GFRA2: variants seen among roughly 807,000 people sequenced by gnomAD.
GFRA2 encodes GDNF family receptor alpha-2.
In GFRA2, 17 loss-of-function variants were observed where a neutral mutation model predicts 48.3. The observed-to-expected ratio is 0.35, with a 90% CI of 0.24 to 0.53. The LOEUF is 0.53. Among genes scored for constraint, GFRA2 ranks in the 20% least tolerant of loss-of-function variants. The probability of loss-of-function intolerance (pLI) is 0.93; values close to 1 mark genes in which losing one functional copy is unlikely to be tolerated. For synonymous variants in GFRA2, 305 were observed against 257.2 expected, an observed-to-expected ratio of 1.19 and a Z score of -1.78; for missense variants, 660 against 637.3, an observed-to-expected ratio of 1.04 and a Z score of -0.38.
chr8:21,710,992 C>T (rs540660148), intron 4 of GFRA2, among the ~76,000 whole-genome samples: 11 of 152,350 alleles, frequency 7.2e-5, no homozygotes, highest in Admixed American at 6.5e-4. Flanking sequence ...GCTCCCTCTG[C>T]CAGCATCAGA....
intron 1 of GFRA2, among the ~76,000 whole-genome samples, chr8:21,810,798 G>C (rs569294701): frequency 6.6e-6 from 1 of 152,178 alleles, no homozygotes; most frequent in African/African-American, 2.4e-5. Flanking sequence ...GCACTGAGGT[G>C]TAAGTGAGGC....
intron 2 of GFRA2, among the ~76,000 whole-genome samples, chr8:21,802,472 AG>A (rs1807788849): frequency 6.6e-6 from 1 of 152,070 alleles, no homozygotes. Flanking sequence ...CTCCCACCTC[AG>A]CTTCCCAAGT....
At chr8:21,732,809 T>G (rs1804263219) in intron 4 of GFRA2, among the ~76,000 whole-genome samples, 1 of 152,056 alleles carries the variant, frequency 6.6e-6, no homozygotes, top group South Asian at 2.1e-4. Flanking sequence ...CTTCAACACA[T>G]AAGAATAGCT....
chr8:21,782,601 G>C lies in GFRA2; in HGVS notation c.339C>G (p.His113Gln). 1 of 1,581,132 alleles carries C rather than the reference G, an allele frequency of 6.3e-7. No individual in the cohort carries two copies. ...LQCLQIYWSIHLGLTEGEEFY... is the reference protein window; with the variant it reads ...LQCLQIYWSIQLGLTEGEEFY... ...CAGGCTTACCCTCGGTCAGCCCCAG[G>C]TGGATGCTCCAGTAGATCTGCAGAC... Residue 113 changes from histidine (H) to glutamine (Q), a missense_variant, in exon 2 of 9, where the codon CAC becomes CAG. Transcript: ENST00000524240.
intron 7 of GFRA2, among the ~76,000 whole-genome samples, chr8:21,701,692 G>C (rs1802488320): frequency 6.6e-6 from 1 of 152,182 alleles, no homozygotes; most frequent in South Asian, 2.1e-4. Flanking sequence ...GTCACATACA[G>C]ATCACCCATA....
Position 21,694,507 on chromosome 8 carries a change from A to G in GFRA2, c.1229T>C (p.Leu410Pro). 6.2e-7 allele frequency: 1 copy of G among 1,611,268 alleles called. No homozygotes were observed. Among genetic ancestry groups the G allele is most frequent in the Non-Finnish European group, 8.5e-7 (1 of 1,179,038 alleles). Reference sequence around the variant, plus strand: ...TAACTCTTTGGAGTTGTTGGCCTTCAGCCCCTGCTCCTGCGAGAGAGAAGG... The same window carrying G: ...TAACTCTTTGGAGTTGTTGGCCTTCGGCCCCTGCTCCTGCGAGAGAGAAGG... ...TTCTSVQEQGLKANNSKELSM... is the reference protein window; with the variant it reads ...TTCTSVQEQGPKANNSKELSM... The change falls in exon 8 of 9, where the codon CTG (leucine) becomes CCG (proline). Residue 410 changes from leucine to proline, a missense_variant. Physicochemically the swap from Leu to Pro is moderately conservative, Grantham distance 98. Transcript: ENST00000524240.
At position 21,780,249 on chromosome 8, in the gene GFRA2, G is replaced by A. The variant is rs796487372; in HGVS notation, c.355+2336C>T. Among the ~76,000 whole-genome samples the A allele has an allele frequency of 8.5e-3, 1,295 of 152,086 alleles. 17 individuals are homozygous for A. Among genetic ancestry groups the A allele is most frequent in the African/African-American group, 0.03 (1,236 of 41,502 alleles). ...CTGCCCCATACGATGGCCGATGGCCGGCACGGGGAGCATGGCTAATCCAGT... is the reference window on the plus strand; with the variant it reads ...CTGCCCCATACGATGGCCGATGGCCAGCACGGGGAGCATGGCTAATCCAGT... On this transcript the variant is annotated intron_variant, in intron 2 of 8. Transcript: ENST00000524240.
chr8:21,698,816 C>T (rs1383104903), intron 7 of GFRA2, among the ~76,000 whole-genome samples: 1 of 152,100 alleles, frequency 6.6e-6, no homozygotes, highest in Non-Finnish European at 1.5e-5. Context: ...CAGCAGACCC[C>T]CACTCAGCAC....
At chr8:21,736,838 A>G (rs1186302831) in intron 4 of GFRA2, among the ~76,000 whole-genome samples, 1 of 150,962 alleles carries the variant, frequency 6.6e-6, no homozygotes. Context: ...ATAATCAACA[A>G]AGCAGTAAAG....
intron 3 of GFRA2, among the ~76,000 whole-genome samples, chr8:21,758,684 G>C (rs1479403791): frequency 1.3e-5 from 2 of 152,056 alleles, no homozygotes; most frequent in Non-Finnish European, 2.9e-5. Context: ...GACGGGTTTT[G>C]AACTGCCTAA....
rs779265911 is a variant in GFRA2 at position 21,693,390 on chromosome 8, T to C, written c.1283A>G (p.Asn428Ser). 33 of 1,610,806 alleles carry C rather than the reference T, an allele frequency of 2.0e-5. No homozygotes were observed. The highest frequency in any genetic ancestry group is 2.7e-5 in the Non-Finnish European group (32 of 1,178,502). The change falls in exon 9 of 9, where the codon AAT becomes AGT. Residue 428 changes from asparagine (N) to serine (S), a missense_variant. By Grantham distance (46) the Asn-to-Ser change is conservative. Transcript: ENST00000524240. ...LSMCFTELTT[N>S]IIPGSNKVIK... ...CACCTTGTTACTCCCTGGGATGATA[T>C]TTGTCGTGAGCTGAGTCCGCAGCAG...
intron 4 of GFRA2, among the ~76,000 whole-genome samples, chr8:21,715,674 C>A (rs75965796): frequency 0.04 from 6,034 of 152,210 alleles, 390 homozygotes; most frequent in African/African-American, 0.14. Flanking sequence ...CCACACTGGC[C>A]TAGAGATAAG....
At chr8:21,803,981 C>T (rs1807814315) in intron 2 of GFRA2, among the ~76,000 whole-genome samples, 1 of 152,084 alleles carries the variant, frequency 6.6e-6, no homozygotes, top group Non-Finnish European at 1.5e-5. Context: ...TTAAGCCTCA[C>T]AATAACCCAG....
chr8:21,798,934 A>G (rs1212164352), intron 2 of GFRA2, among the ~76,000 whole-genome samples: 2 of 152,180 alleles, frequency 1.3e-5, no homozygotes, highest in African/African-American at 4.8e-5. Flanking sequence ...CTCTTCACTC[A>G]ACTCAAAGCT....
chr8:21,723,513 A>C (rs1449428195), intron 4 of GFRA2, among the ~76,000 whole-genome samples: 2 of 152,184 alleles, frequency 1.3e-5, no homozygotes, highest in African/African-American at 2.4e-5. Flanking sequence ...CTTTACAAAA[A>C]ATAAAAGAGA....
chr8:21,735,671 A>G (rs1349419832), intron 4 of GFRA2, among the ~76,000 whole-genome samples: 1 of 152,074 alleles, frequency 6.6e-6, no homozygotes, highest in African/African-American at 2.4e-5. Flanking sequence ...TGTTGTTTTC[A>G]TTTTTCTTGA....
At chr8:21,751,587 T>G (rs1019534420) in intron 3 of GFRA2, among the ~76,000 whole-genome samples, 2 of 152,316 alleles carry the variant, frequency 1.3e-5, no homozygotes, top group African/African-American at 4.8e-5. Context: ...CGAGAACCGT[T>G]GGTCTAAGCT....
intron 3 of GFRA2, among the ~76,000 whole-genome samples, chr8:21,766,472 G>A (rs143160479): frequency 6.6e-6 from 1 of 151,814 alleles, no homozygotes; most frequent in South Asian, 2.1e-4. Context: ...GAGTTATCTG[G>A]GGATAAATTC....
intron 4 of GFRA2, among the ~76,000 whole-genome samples, chr8:21,731,332 G>A (rs532979001): frequency 7.9e-5 from 12 of 152,290 alleles, no homozygotes; most frequent in African/African-American, 2.6e-4. Context: ...AAGGAGAGCT[G>A]AGAACGATGA....
Sources: gnomAD v4.1 joint callset for allele counts (sites outside exome capture counted in the v4.1 genomes callset) on GRCh38, gnomAD v4.1.1 for gene constraint, MANE v1.5 for transcripts, NCBI Gene and HGNC (gene_info 2026-07-23, HGNC 2026-07-21) for gene names.